The following CCDC141 variants were observed in gnomAD, a reference collection of about 807,000 sequenced individuals.
The protein encoded by CCDC141 is coiled-coil domain containing 141, also known as coiled-coil domain-containing protein 141.
A neutral mutation model predicts 181.0 loss-of-function variants in CCDC141; 168 were observed. The observed-to-expected ratio is 0.93, with a 90% CI of 0.82 to 1.05. The LOEUF (loss-of-function observed/expected upper bound fraction) is 1.05, where lower values mean the gene tolerates loss of function less well. CCDC141 is among the 50% of genes least tolerant of loss of function. The pLI is 0.00. For synonymous variants in CCDC141, 666 were observed against 642.3 expected (o/e 1.04, Z -0.56); for missense variants, 1,902 against 1,788.5 (o/e 1.06, Z -1.14).
At position 178,891,549 on chromosome 2, in the gene CCDC141, C is replaced by T. The variant is rs1333282148; in HGVS notation, c.1266-2881G>A. ...ACAGGGATGGCCTGGCTGACAGGCTCCTTTGAAACTGGCTGGCTTTTCTAA... is the reference window on the plus strand; with the variant it reads ...ACAGGGATGGCCTGGCTGACAGGCTTCTTTGAAACTGGCTGGCTTTTCTAA... On this transcript the variant is annotated intron_variant, in intron 8 of 23. Transcript: ENST00000443758. Among the ~76,000 whole-genome samples the T allele has an allele frequency of 2.0e-5, 3 of 151,822 alleles. No homozygotes were observed. In the East Asian group the frequency reaches 5.8e-4, roughly 29 times the overall value.
chr2:178,975,162 C>G lies in CCDC141; in HGVS notation c.421G>C (p.Ala141Pro), dbSNP rs969783068. The G allele has an allele frequency of 1.4e-5, 20 of 1,437,096 alleles. No homozygotes were observed. The African/African-American group carries it at 2.4e-4, about 17-fold the overall frequency. The allele number at this position is 1,437,096 out of a possible 1,614,324, so 89.0% of individuals were successfully genotyped here. A position where few individuals can be genotyped will look rare whatever the true frequency, so the allele number is the denominator to read the frequency against. The change falls in exon 4 of 24, where the codon GCT (alanine) becomes CCT (proline). Residue 141 changes from alanine to proline, a missense_variant. Coordinates refer to ENST00000443758, the MANE Select transcript of CCDC141 (RefSeq NM_173648.4). ...SEFFENALEF[A>P]IKIDQAEDFL... ...TCTTCAGCTTGGTCTATTTTAATAG[C>G]AAACTACAATAGAAATACAGAGGAA...
chr2:178,894,211 C>T (rs1302506475), intron 8 of CCDC141, among the ~76,000 whole-genome samples: 1 of 152,100 alleles, frequency 6.6e-6, no homozygotes, highest in Non-Finnish European at 1.5e-5. Flanking sequence ...CTTGTGTGAC[C>T]CTGATCAAAT....
At chr2:178,983,240 C>T (rs1277103184) in intron 2 of CCDC141, among the ~76,000 whole-genome samples, 1 of 152,114 alleles carries the variant, frequency 6.6e-6, no homozygotes, top group Admixed American at 6.5e-5. Flanking sequence ...TCCAACAGAC[C>T]TGCAGCTGAG....
intron 2 of CCDC141, among the ~76,000 whole-genome samples, chr2:178,983,534 T>C (rs1347589525): frequency 1.4e-5 from 2 of 147,670 alleles, no homozygotes; most frequent in East Asian, 2.0e-4. Flanking sequence ...GGGAGGACAT[T>C]CAAACCAAAG....
intron 2 of CCDC141, among the ~76,000 whole-genome samples, chr2:179,040,578 A>G (rs1214578870): frequency 1.3e-5 from 2 of 151,842 alleles, no homozygotes; most frequent in South Asian, 2.1e-4. Flanking sequence ...TGTTCCCCCA[A>G]CTGTGTCCAT....
At chr2:179,008,479 A>G (rs966230273) in intron 2 of CCDC141, among the ~76,000 whole-genome samples, 1 of 152,066 alleles carries the variant, frequency 6.6e-6, no homozygotes, top group African/African-American at 2.4e-5. Flanking sequence ...TCCCTCTACA[A>G]CTTGATGTGC....
chr2:178,993,591 C>G (rs1692153346), intron 2 of CCDC141, among the ~76,000 whole-genome samples: 1 of 152,298 alleles, frequency 6.6e-6, no homozygotes, highest in South Asian at 2.1e-4. Flanking sequence ...TATTATTCCA[C>G]TTCTGGCCCC....
chr2:178,895,637 G>A (rs527262623), intron 8 of CCDC141, among the ~76,000 whole-genome samples: 2 of 152,236 alleles, frequency 1.3e-5, no homozygotes, highest in African/African-American at 4.8e-5. Context: ...CATTTACCCA[G>A]CCTCTAAAAA....
At chr2:178,825,146 G>A (rs987502118), downstream of CCDC141, among the ~76,000 whole-genome samples, 13 of 152,262 alleles carry the variant, frequency 8.5e-5, no homozygotes, top group Admixed American at 6.5e-4. Context: ...ATAGCCGTTT[G>A]TATTTTATCA....
chr2:178,905,508 A>T lies in CCDC141; in HGVS notation c.1093-7T>A. ...TTCCAAGTACATCAAATGCCTGCCA[A>T]AGAAAACATACTTTTATTTTCTGCT... On this transcript the variant is annotated splice_polypyrimidine_tract_variant and splice_region_variant and intron_variant, in intron 7 of 23. Coordinates refer to ENST00000443758, the MANE Select transcript of CCDC141 (RefSeq NM_173648.4). 3 of 1,539,612 alleles carry T rather than the reference A, an allele frequency of 1.9e-6. No individual in the cohort carries two copies. The highest frequency in any genetic ancestry group is 2.6e-6 in the Non-Finnish European group (3 of 1,143,412).
At chr2:178,940,755 C>T (rs759773464) in intron 6 of CCDC141, among the ~76,000 whole-genome samples, 5 of 152,126 alleles carry the variant, frequency 3.3e-5, no homozygotes, top group Non-Finnish European at 7.4e-5. Context: ...CAGGCACTGT[C>T]CAATGTGCTG....
the CCDC141 span, among the ~76,000 whole-genome samples, chr2:178,822,421 T>A: frequency 1.7e-5 from 2 of 120,974 alleles, no homozygotes; most frequent in African/African-American, 3.3e-5. Flanking sequence ...AAAAAAAAAA[T>A]CCCTCCTGAA....
chr2:178,893,995 T>G (rs943918673), intron 8 of CCDC141, among the ~76,000 whole-genome samples: 1 of 152,152 alleles, frequency 6.6e-6, no homozygotes, highest in Non-Finnish European at 1.5e-5. Context: ...ATATATGTCC[T>G]ATGTGAAGGG....
At chr2:178,861,590 C>T (rs769408525) in intron 17 of CCDC141, among the ~76,000 whole-genome samples, 4 of 148,540 alleles carry the variant, frequency 2.7e-5, no homozygotes, top group East Asian at 2.0e-4. Context: ...CAGCCAAGAT[C>T]GTACCATTGC....
chr2:178,834,304 C>T lies in CCDC141; in HGVS notation c.4462G>A (p.Gly1488Ser), dbSNP rs199670476. ...LYVARAQNSS[G>S]ALSSNVILHV... ...AGGATGACATTGGAAGAGAGAGCGC[C>T]GCTAGAGTTTTGGGCCCGAGCCACA... Residue 1488 changes from glycine (G) to serine (S), a missense_variant, in exon 24 of 24, where the codon GGC becomes AGC. Transcript: ENST00000443758. 951 of 1,535,952 alleles carry T rather than the reference C, an allele frequency of 6.2e-4. 5 individuals carry two copies. The highest frequency in any genetic ancestry group is 3.3e-3 in the East Asian group (135 of 40,896).
At chr2:178,819,581 G>T in the CCDC141 span, among the ~76,000 whole-genome samples, 1 of 152,272 alleles carries the variant, frequency 6.6e-6, no homozygotes, top group East Asian at 1.9e-4. Flanking sequence ...CTTAAATAGT[G>T]GTTCTCAACC....
intron 2 of CCDC141, among the ~76,000 whole-genome samples, chr2:179,004,058 A>T (rs2154383711): frequency 6.6e-6 from 1 of 152,338 alleles, no homozygotes; most frequent in Admixed American, 6.5e-5. Context: ...AAAAGTCTAC[A>T]TTGTATAAAG....
rs571729506 is a variant in CCDC141 at position 178,983,808 on chromosome 2, G to C, written c.226-5133C>G. On this transcript the variant is annotated intron_variant, in intron 2 of 23. Transcript: ENST00000443758. ...TGAGCAAAGCCTCCAAGAAATATGG[G>C]ACTATGTGAAAAGACCAAATCTACA... is the stretch of plus-strand genomic sequence containing the variant. Among the ~76,000 whole-genome samples, 139 of 151,402 alleles carry C rather than the reference G, an allele frequency of 9.2e-4. 1 individual carries two copies. Among genetic ancestry groups the C allele is most frequent in the Non-Finnish European group, 1.2e-3 (80 of 67,736 alleles).
At chr2:178,955,477 C>T (rs1481615353) in intron 5 of CCDC141, among the ~76,000 whole-genome samples, 1 of 151,970 alleles carries the variant, frequency 6.6e-6, no homozygotes, top group Non-Finnish European at 1.5e-5. Context: ...CTCATTAATA[C>T]TGTTTAAATT....
Sources: allele counts gnomAD v4.1 joint callset (sites outside exome capture counted in the v4.1 genomes callset), GRCh38; gene constraint gnomAD v4.1.1; transcripts MANE v1.5; gene names NCBI Gene and HGNC (gene_info 2026-07-23, HGNC 2026-07-21).